The following AGMO variants were observed in gnomAD, a reference collection of about 807,000 sequenced individuals.
AGMO encodes the protein glyceryl-ether monooxygenase.
Under a neutral mutation model 60.2 loss-of-function variants are expected in AGMO, and 75 were observed. The ratio of observed to expected loss-of-function variants is 1.25; its 90% CI spans 1.03 to 1.51. The LOEUF (loss-of-function observed/expected upper bound fraction) is 1.51, where lower values mean the gene tolerates loss of function less well. Among genes scored for constraint, AGMO ranks in the 40% most tolerant of loss-of-function variants. The probability of loss-of-function intolerance (pLI) is 0.00; values close to 1 mark genes in which losing one functional copy is unlikely to be tolerated. For missense variants in AGMO, 763 were observed against 525.5 expected (o/e 1.45, Z -4.42); for synonymous variants, 261 against 177.1 (o/e 1.47, Z -3.76).
At chr7:15,521,858 C>A (rs758835909) in intron 3 of AGMO, among the ~76,000 whole-genome samples, 7 of 152,162 alleles carry the variant, frequency 4.6e-5, no homozygotes, top group Middle Eastern at 3.4e-3. Context: ...GGCAATCAGG[C>A]AAGAGAAAGA....
chr7:15,355,861 A>C (rs1407695134), intron 12 of AGMO, among the ~76,000 whole-genome samples: 1 of 152,200 alleles, frequency 6.6e-6, no homozygotes, highest in Non-Finnish European at 1.5e-5. Context: ...CATAAATGAC[A>C]AAGGACTGAT....
intron 12 of AGMO, among the ~76,000 whole-genome samples, chr7:15,233,315 T>C (rs1171152695): frequency 6.6e-6 from 1 of 152,162 alleles, no homozygotes; most frequent in Non-Finnish European, 1.5e-5. Context: ...TGTAAACACT[T>C]GGCTGGATTG....
chr7:15,281,506 T>C (rs910898296), intron 12 of AGMO, among the ~76,000 whole-genome samples: 9 of 152,080 alleles, frequency 5.9e-5, no homozygotes, highest in East Asian at 1.9e-4. Flanking sequence ...CTCTGATGAA[T>C]AGCCAGAACA....
Position 15,387,530 on chromosome 7 carries a change from A to T in AGMO, c.833T>A (p.Leu278Ter). ...FEPIKVQFHH[L>*]FSIWTTFWAT... The stretch of plus-strand genomic sequence containing the variant: ...CCAGAATGTAGTCCATATGGAAAAT[A>T]AGTGATGGAACTAGAAACAATAAAA... The change falls in exon 9 of 13, where the codon TTA becomes TAA. Residue 278 changes from leucine to a stop codon, truncating the protein, a stop_gained. Coordinates refer to ENST00000342526, the MANE Select transcript of AGMO (RefSeq NM_001004320.2). LOFTEE classifies it high-confidence loss of function. The T allele has an allele frequency of 6.2e-7, 1 of 1,608,590 alleles. No homozygotes were observed. The highest frequency in any genetic ancestry group is 8.5e-7 in the Non-Finnish European group (1 of 1,178,884).
intron 3 of AGMO, among the ~76,000 whole-genome samples, chr7:15,504,398 A>C: frequency 6.6e-6 from 1 of 151,994 alleles, no homozygotes; most frequent in East Asian, 1.9e-4. Context: ...CTGCGTATTA[A>C]GAAGCAAGCC....
At chr7:15,533,528 A>AAAGAGAAAAC (rs1784417721) in intron 3 of AGMO, among the ~76,000 whole-genome samples, 1 of 152,010 alleles carries the variant, frequency 6.6e-6, no homozygotes, top group Non-Finnish European at 1.5e-5. Context: ...CCTCATTTAC[A>AAAGAGAAAAC]TTCTTTGTTT....
intron 12 of AGMO, among the ~76,000 whole-genome samples, chr7:15,256,787 G>C (rs185969026): frequency 2.4e-4 from 37 of 152,294 alleles, no homozygotes; most frequent in African/African-American, 5.8e-4. Flanking sequence ...ATATAGCCAG[G>C]TGTGTAGTAG....
At chr7:15,259,327 G>C (rs966192399) in intron 12 of AGMO, among the ~76,000 whole-genome samples, 1 of 151,760 alleles carries the variant, frequency 6.6e-6, no homozygotes, top group Non-Finnish European at 1.5e-5. Flanking sequence ...TGAAGACAAG[G>C]CTTTTGGATT....
chr7:15,443,603 G>C (rs935471174), intron 3 of AGMO, among the ~76,000 whole-genome samples: 10 of 152,022 alleles, frequency 6.6e-5, no homozygotes, highest in African/African-American at 2.4e-4. Context: ...CAGGTATTCA[G>C]TGAGCCATAT....
chr7:15,279,164 TCC>T (rs1783888459), intron 12 of AGMO, among the ~76,000 whole-genome samples: 1 of 152,030 alleles, frequency 6.6e-6, no homozygotes, highest in South Asian at 2.1e-4. Context: ...GAGGAGGCTC[TCC>T]CCCGTCTAGA....
chr7:15,553,170 G>T lies in AGMO; in HGVS notation c.257+6971C>A, dbSNP rs1025089231. ...GGAATATCACACTCTGGGGACTGTT[G>T]TGGGGTGGGCGGAGGGGGGAGGGAT... On this transcript the variant is annotated intron_variant, in intron 2 of 12. Transcript: ENST00000342526. Among the ~76,000 whole-genome samples the T allele has an allele frequency of 2.1e-3, 324 of 150,992 alleles. 1 individual carries two copies. The highest frequency in any genetic ancestry group is 7.6e-3 in the African/African-American group (315 of 41,206).
intron 12 of AGMO, among the ~76,000 whole-genome samples, chr7:15,244,025 GA>G (rs1197442677): frequency 6.6e-6 from 1 of 152,116 alleles, no homozygotes; most frequent in Non-Finnish European, 1.5e-5. Context: ...TGCTGAGCTA[GA>G]AGTAATTTTG....
chr7:15,297,109 T>G (rs763237197), intron 12 of AGMO, among the ~76,000 whole-genome samples: 1 of 152,188 alleles, frequency 6.6e-6, no homozygotes, highest in East Asian at 1.9e-4. Context: ...AAATATTTGC[T>G]CAACAAATAC....
At chr7:15,127,041 T>C in the AGMO span, among the ~76,000 whole-genome samples, 1 of 152,126 alleles carries the variant, frequency 6.6e-6, no homozygotes, top group Admixed American at 6.6e-5. Context: ...TAAATTTACT[T>C]ACAGCCTGGA....
At chr7:15,277,330 TA>T (rs1783828671) in intron 12 of AGMO, among the ~76,000 whole-genome samples, 2 of 146,064 alleles carry the variant, frequency 1.4e-5, no homozygotes, top group Non-Finnish European at 3.0e-5. Context: ...AATAAATAAA[TA>T]AATAAATAAA....
chr7:15,323,275 A>G (rs1781238477), intron 12 of AGMO, among the ~76,000 whole-genome samples: 1 of 152,132 alleles, frequency 6.6e-6, no homozygotes, highest in Non-Finnish European at 1.5e-5. Flanking sequence ...AACATTTCCA[A>G]TAGTAATTAA....
intron 3 of AGMO, among the ~76,000 whole-genome samples, chr7:15,440,907 T>C (rs1051168801): frequency 6.6e-6 from 1 of 152,228 alleles, no homozygotes; most frequent in African/African-American, 2.4e-5. Flanking sequence ...AGCTCCATCA[T>C]TCCCATTTGT....
Position 15,316,443 on chromosome 7 carries a change from T to C in AGMO, c.1263+49071A>G, listed in dbSNP as rs778450677. ...CCACTGACTCAGAACAAAGTACTCA[T>C]TGAGTCTGAAACAAAGATCTACTCA... On this transcript the variant is annotated intron_variant, in intron 12 of 12. Transcript: ENST00000342526. 7.9e-5 allele frequency among the ~76,000 whole-genome samples: 12 copies of C among 152,130 alleles called. No homozygotes were observed. The South Asian group carries it at 8.3e-4, about 11-fold the overall frequency.
At chr7:15,449,224 G>C (rs1433586410) in intron 3 of AGMO, among the ~76,000 whole-genome samples, 1 of 152,172 alleles carries the variant, frequency 6.6e-6, no homozygotes, top group African/African-American at 2.4e-5. Flanking sequence ...ATACAGCTGA[G>C]ACTTGATTGA....
Sources: gnomAD v4.1 joint callset for allele counts (sites outside exome capture counted in the v4.1 genomes callset) on GRCh38, gnomAD v4.1.1 for gene constraint, MANE v1.5 for transcripts, NCBI Gene and HGNC (gene_info 2026-07-23, HGNC 2026-07-21) for gene names.